WWOX: variants seen among roughly 807,000 people sequenced by gnomAD.
The protein encoded by WWOX is WW domain containing oxidoreductase.
In WWOX, 69 loss-of-function variants were observed where a neutral mutation model predicts 46.2. That is an observed-to-expected ratio of 1.49 (90% CI 1.23 to 1.82). WWOX has a LOEUF of 1.82. Among genes scored for constraint, WWOX ranks in the 40% most tolerant of loss-of-function variants. The pLI is 0.00. For missense variants in WWOX, 919 were observed against 542.6 expected (o/e 1.69, Z -6.89); for synonymous variants, 359 against 202.6 (o/e 1.77, Z -6.56).
intron 8 of WWOX, among the ~76,000 whole-genome samples, chr16:78,678,751 T>A (rs150586167): frequency 1.5e-4 from 23 of 152,250 alleles, no homozygotes; most frequent in African/African-American, 5.5e-4. Context: ...GATAGGAAAC[T>A]GACCTTTTTT....
intron 8 of WWOX, among the ~76,000 whole-genome samples, chr16:78,923,096 C>G (rs1051281860): frequency 1.3e-5 from 2 of 151,530 alleles, no homozygotes; most frequent in Admixed American, 6.6e-5. Flanking sequence ...ATTCTCCTGC[C>G]TCAGCCTTGC....
rs141142280 is a variant in WWOX at position 78,431,622 on chromosome 16, G to T, written c.792-866G>T. Among the ~76,000 whole-genome samples, 1,169 of 151,014 alleles carry T rather than the reference G, an allele frequency of 7.7e-3. 4 individuals are homozygous for T. Among genetic ancestry groups the T allele is most frequent in the South Asian group, 0.015 (71 of 4,766 alleles). On this transcript the variant is annotated intron_variant, in intron 7 of 8. Coordinates refer to ENST00000566780, the MANE Select transcript of WWOX (RefSeq NM_016373.4). Reference sequence around the variant, plus strand: ...ATATATGTTAGAGGGTGGGGAGAGAGTTCAGTATGTCAGGACTGCTACATT... The same window carrying T: ...ATATATGTTAGAGGGTGGGGAGAGATTTCAGTATGTCAGGACTGCTACATT...
intron 8 of WWOX, among the ~76,000 whole-genome samples, chr16:78,950,537 C>T (rs975676171): frequency 1.1e-3 from 139 of 127,564 alleles, no homozygotes; most frequent in Middle Eastern, 4.2e-3. Context: ...CACACATACA[C>T]ACACACACAC....
At chr16:78,718,072 T>G (rs2048606925) in intron 8 of WWOX, among the ~76,000 whole-genome samples, 1 of 152,200 alleles carries the variant, frequency 6.6e-6, no homozygotes, top group African/African-American at 2.4e-5. Flanking sequence ...GAAGGGGATT[T>G]CAAACAAGGG....
At chr16:78,188,487 CA>C (rs11325655) in intron 5 of WWOX, among the ~76,000 whole-genome samples, 46,727 of 104,156 alleles carry the variant, frequency 0.45, 6,560 homozygotes, top group South Asian at 0.55. Context: ...GACTCTGTCT[CA>C]AAAAAAAAAA....
chr16:78,973,288 A>G (rs1467233602), intron 8 of WWOX, among the ~76,000 whole-genome samples: 1 of 152,136 alleles, frequency 6.6e-6, no homozygotes, highest in African/African-American at 2.4e-5. Flanking sequence ...CCGGGCTGTC[A>G]TCCTGGCGTT....
chr16:79,034,632 C>G (rs1374121748), intron 8 of WWOX, among the ~76,000 whole-genome samples: 1 of 151,516 alleles, frequency 6.6e-6, no homozygotes, highest in African/African-American at 2.4e-5. Context: ...AGGCATTAAT[C>G]TTTTTGGTAT....
At chr16:78,787,065 T>C (rs1432141076) in intron 8 of WWOX, among the ~76,000 whole-genome samples, 2 of 152,136 alleles carry the variant, frequency 1.3e-5, no homozygotes, top group Non-Finnish European at 2.9e-5. Context: ...GGAGAATCGC[T>C]TGAACCTGGG....
At chr16:78,777,780 C>G (rs1567553128) in intron 8 of WWOX, among the ~76,000 whole-genome samples, 1 of 152,136 alleles carries the variant, frequency 6.6e-6, no homozygotes, top group Non-Finnish European at 1.5e-5. Context: ...GGCCTGGTGG[C>G]TCACGCCTGT....
At chr16:78,243,722 T>C (rs2151821904) in intron 5 of WWOX, among the ~76,000 whole-genome samples, 1 of 152,252 alleles carries the variant, frequency 6.6e-6, no homozygotes, top group South Asian at 2.1e-4. Flanking sequence ...AAGTTTTGTA[T>C]TTTGCGTAGA....
rs926752006 is a variant in WWOX at position 79,104,396 on chromosome 16, A to T, written c.1057-107212A>T. Among the ~76,000 whole-genome samples, 187 of 152,342 alleles carry T rather than the reference A, an allele frequency of 1.2e-3. 1 individual carries two copies. The highest frequency in any genetic ancestry group is 4.2e-3 in the African/African-American group (175 of 41,582). On this transcript the variant is annotated intron_variant, in intron 8 of 8. Coordinates refer to ENST00000566780, the MANE Select transcript of WWOX (RefSeq NM_016373.4). ...TACATCAAAGTTGAAAGAATTTTAC[A>T]GCGAACCACCATTAACATTTTGCTA...
chr16:78,719,105 TG>T (rs1361730832), intron 8 of WWOX, among the ~76,000 whole-genome samples: 4 of 152,202 alleles, frequency 2.6e-5, no homozygotes, highest in Non-Finnish European at 5.9e-5. Context: ...GACGCACAAC[TG>T]GTTTCAAATC....
chr16:78,660,205 T>C (rs2047179230), intron 8 of WWOX, among the ~76,000 whole-genome samples: 1 of 152,148 alleles, frequency 6.6e-6, no homozygotes. Context: ...ATATAAAATA[T>C]TGTCAGCAGG....
intron 8 of WWOX, among the ~76,000 whole-genome samples, chr16:79,151,724 G>A (rs1425168744): frequency 2.0e-5 from 3 of 152,170 alleles, no homozygotes; most frequent in African/African-American, 2.4e-5. Flanking sequence ...GCTAGTCTCC[G>A]AACGGCCTGC....
intron 8 of WWOX, among the ~76,000 whole-genome samples, chr16:78,866,952 C>T (rs2044017152): frequency 6.6e-6 from 1 of 152,222 alleles, no homozygotes; most frequent in Non-Finnish European, 1.5e-5. Flanking sequence ...TTGCCACCAG[C>T]TGCATAAATA....
chr16:79,016,920 G>A (rs1399426644), intron 8 of WWOX: 1 of 152,044 alleles, frequency 6.6e-6, no homozygotes, highest in Non-Finnish European at 1.5e-5. Flanking sequence ...ACCTGGGGTC[G>A]AACTCCTGAC....
At chr16:78,437,712 G>A (rs73572863) in intron 8 of WWOX, among the ~76,000 whole-genome samples, 3,742 of 152,106 alleles carry the variant, frequency 0.025, 142 homozygotes, top group African/African-American at 0.084. Flanking sequence ...TTTAAGTGTC[G>A]TTCTAAAAAA....
chr16:79,137,935 C>A (rs1394030175), intron 8 of WWOX, among the ~76,000 whole-genome samples: 1 of 151,906 alleles, frequency 6.6e-6, no homozygotes, highest in Non-Finnish European at 1.5e-5. Context: ...AAAAAAAAAA[C>A]TTTGAAGTTT....
intron 8 of WWOX, among the ~76,000 whole-genome samples, chr16:79,023,020 C>T (rs2151387203): frequency 1.3e-5 from 2 of 151,858 alleles, no homozygotes; most frequent in South Asian, 4.2e-4. Flanking sequence ...TGTATATAGC[C>T]AGCACTCACT....
Sources: allele counts gnomAD v4.1 joint callset (sites outside exome capture counted in the v4.1 genomes callset), GRCh38; gene constraint gnomAD v4.1.1; transcripts MANE v1.5; gene names NCBI Gene and HGNC (gene_info 2026-07-23, HGNC 2026-07-21).